SLC24A3: variants seen among roughly 807,000 people sequenced by gnomAD.
The protein encoded by SLC24A3 is solute carrier family 24 member 3, also known as sodium/potassium/calcium exchanger 3.
A neutral mutation model predicts 75.8 loss-of-function variants in SLC24A3; 28 were observed. The ratio of observed to expected loss-of-function variants is 0.37; its 90% confidence interval spans 0.27 to 0.51. The LOEUF (loss-of-function observed/expected upper bound fraction) is 0.51. Ranked by LOEUF, SLC24A3 falls within the 20% of genes least tolerant of loss-of-function variation. SLC24A3 has a pLI of 0.94. For missense variants in SLC24A3, 663 were observed against 847.8 expected (o/e 0.78, Z 2.71); for synonymous variants, 372 against 334.1 (o/e 1.11, Z -1.24).
chr20:19,494,763 G>T (rs1221723091), intron 2 of SLC24A3, among the ~76,000 whole-genome samples: 2 of 152,106 alleles, frequency 1.3e-5, no homozygotes, highest in Non-Finnish European at 2.9e-5. Context: ...GGCAAATCTT[G>T]CTCTGGCCAT....
At chr20:19,681,029 A>G (rs952161696) in intron 9 of SLC24A3, among the ~76,000 whole-genome samples, 1 of 152,072 alleles carries the variant, frequency 6.6e-6, no homozygotes, top group African/African-American at 2.4e-5. Context: ...TGACATGGAA[A>G]CTGTGCCTGG....
chr20:19,555,290 T>G (rs1033539656), intron 3 of SLC24A3, among the ~76,000 whole-genome samples: 2 of 152,068 alleles, frequency 1.3e-5, no homozygotes, highest in Non-Finnish European at 2.9e-5. Flanking sequence ...AGAGGCTCAG[T>G]GGTGGCAGCA....
chr20:19,274,204 T>C (rs6045946), intron 1 of SLC24A3, among the ~76,000 whole-genome samples: 26,903 of 151,166 alleles, frequency 0.18, 3,561 homozygotes, highest in East Asian at 0.7. Flanking sequence ...CGCCGCTGAG[T>C]TGGGGACATT....
chr20:19,281,111 G>T (rs770029276), intron 2 of SLC24A3, 24 bp downstream of exon 2: 59 of 1,612,446 alleles, frequency 3.7e-5, no homozygotes, highest in Non-Finnish European at 8.5e-7. Context: ...CTACTCATGG[G>T]CAGCAGCTGT....
chr20:19,568,357 C>T (rs903760154), intron 3 of SLC24A3, among the ~76,000 whole-genome samples: 1 of 152,128 alleles, frequency 6.6e-6, no homozygotes, highest in African/African-American at 2.4e-5. Context: ...AAGGTGGAAA[C>T]AGACTGTCCG....
intron 2 of SLC24A3, among the ~76,000 whole-genome samples, chr20:19,466,725 C>T (rs1386402498): frequency 6.8e-6 from 1 of 146,780 alleles, no homozygotes; most frequent in African/African-American, 2.8e-5. Context: ...TGCTATTCTC[C>T]TAGCACACTG....
At chr20:19,699,896 A>G (rs929626540) in intron 15 of SLC24A3, among the ~76,000 whole-genome samples, 22 of 152,256 alleles carry the variant, frequency 1.4e-4, no homozygotes, top group African/African-American at 5.1e-4. Flanking sequence ...GAATCTCAGA[A>G]CCCCAGCATA....
At chr20:19,484,380 T>C (rs1287159310) in intron 2 of SLC24A3, among the ~76,000 whole-genome samples, 1 of 152,220 alleles carries the variant, frequency 6.6e-6, no homozygotes, top group Non-Finnish European at 1.5e-5. Context: ...TGAGGTCAGG[T>C]GTGAGATTTT....
chr20:19,376,086 A>T (rs137963178), intron 2 of SLC24A3, among the ~76,000 whole-genome samples: 1 of 152,180 alleles, frequency 6.6e-6, no homozygotes, highest in African/African-American at 2.4e-5. Context: ...TATATGTGCA[A>T]CTGTGTGAGT....
chr20:19,712,980 C>T (rs2033006523), intron 15 of SLC24A3, among the ~76,000 whole-genome samples: 4 of 152,172 alleles, frequency 2.6e-5, no homozygotes, highest in South Asian at 2.1e-4. Flanking sequence ...CAGAAGGGCA[C>T]CTGAGAACTT....
intron 15 of SLC24A3, among the ~76,000 whole-genome samples, chr20:19,708,066 C>T (rs1239229876): frequency 6.6e-6 from 1 of 151,960 alleles, no homozygotes; most frequent in Non-Finnish European, 1.5e-5. Flanking sequence ...GAAGGGCCAG[C>T]CAGGGACAGG....
chr20:19,354,299 A>G (rs1985632698), intron 2 of SLC24A3, among the ~76,000 whole-genome samples: 1 of 152,200 alleles, frequency 6.6e-6, no homozygotes, highest in Admixed American at 6.5e-5. Flanking sequence ...ACCAGACACA[A>G]AAGAATACAT....
At chr20:19,243,132 TAACTC>T (rs1332918197) in intron 1 of SLC24A3, among the ~76,000 whole-genome samples, 2 of 152,234 alleles carry the variant, frequency 1.3e-5, no homozygotes, top group Non-Finnish European at 2.9e-5. Flanking sequence ...ACTCTCCAAA[TAACTC>T]TAAGAGTTAA....
intron 2 of SLC24A3, among the ~76,000 whole-genome samples, chr20:19,399,387 G>A (rs1200953345): frequency 6.6e-6 from 1 of 152,038 alleles, no homozygotes; most frequent in Non-Finnish European, 1.5e-5. Flanking sequence ...ATATAGATAA[G>A]TTCTATATAT....
intron 13 of SLC24A3, chr20:19,696,567 C>A: frequency 4.6e-6 from 2 of 435,226 alleles, no homozygotes; most frequent in Non-Finnish European, 8.2e-6. Context: ...GTGAAAAGGC[C>A]AATGTTTTGT....
chr20:19,434,989 T>G (rs914176686), intron 2 of SLC24A3, among the ~76,000 whole-genome samples: 1 of 152,224 alleles, frequency 6.6e-6, no homozygotes, highest in African/African-American at 2.4e-5. Flanking sequence ...AAAAAGGCTA[T>G]CTTTCCTTAG....
At chr20:19,678,903 C>T (rs1225105760) in intron 9 of SLC24A3, among the ~76,000 whole-genome samples, 2 of 149,864 alleles carry the variant, frequency 1.3e-5, no homozygotes, top group South Asian at 2.1e-4. Context: ...ACATCCGAAA[C>T]GGAGCGGCGG....
At chr20:19,572,510 A>G (rs1010864343) in intron 3 of SLC24A3, among the ~76,000 whole-genome samples, 1 of 152,154 alleles carries the variant, frequency 6.6e-6, no homozygotes, top group Non-Finnish European at 1.5e-5. Flanking sequence ...GAGGGCTCCC[A>G]TGGGTGTTAA....
At chr20:19,359,091 G>A (rs1442181888) in intron 2 of SLC24A3, among the ~76,000 whole-genome samples, 2 of 152,106 alleles carry the variant, frequency 1.3e-5, no homozygotes, top group Non-Finnish European at 2.9e-5. Context: ...TTGTGTACAG[G>A]TTTTGGTTTG....
Sources: gnomAD v4.1 joint callset for allele counts (sites outside exome capture counted in the v4.1 genomes callset) on GRCh38, gnomAD v4.1.1 for gene constraint, MANE v1.5 for transcripts, NCBI Gene and HGNC (gene_info 2026-07-23, HGNC 2026-07-21) for gene names.